RIMKLB: variants seen among roughly 807,000 people sequenced by gnomAD.
The protein encoded by RIMKLB is beta-citrylglutamate synthase B.
Under a neutral mutation model 32.0 loss-of-function variants are expected in RIMKLB, and 7 were observed. The observed-to-expected ratio is 0.22, with a 90% confidence interval of 0.12 to 0.41. The LOEUF (loss-of-function observed/expected upper bound fraction) is 0.41. Among genes scored for constraint, RIMKLB ranks in the 10% least tolerant of loss-of-function variants. The pLI, the probability that RIMKLB is intolerant of heterozygous loss-of-function variation, is 1.00. For synonymous variants in RIMKLB, 172 were observed against 185.1 expected, an observed-to-expected ratio of 0.93 and a Z score of 0.57; for missense variants, 289 against 498.7, an observed-to-expected ratio of 0.58 and a Z score of 4.00.
chr12:8,760,404 A>G (rs1166687258), intron 5 of RIMKLB, among the ~76,000 whole-genome samples: 1 of 152,228 alleles, frequency 6.6e-6, no homozygotes, highest in Non-Finnish European at 1.5e-5. Flanking sequence ...CAATAAACAT[A>G]CGTGTACATG....
intron 2 of RIMKLB, among the ~76,000 whole-genome samples, chr12:8,748,519 C>CGT (rs58187682): frequency 0.11 from 14,479 of 131,128 alleles, 780 homozygotes; most frequent in Middle Eastern, 0.21. Flanking sequence ...TGGGATTATT[C>CGT]GTGTGTGTGT....
At chr12:8,740,181 T>C (rs971210146) in intron 2 of RIMKLB, among the ~76,000 whole-genome samples, 1 of 152,200 alleles carries the variant, frequency 6.6e-6, no homozygotes, top group Admixed American at 6.5e-5. Context: ...GCTGGGATTA[T>C]AAGTGTAAGC....
At chr12:8,679,345 C>T (rs781231574), upstream of RIMKLB, among the ~76,000 whole-genome samples, 17 of 152,230 alleles carry the variant, frequency 1.1e-4, no homozygotes, top group Admixed American at 5.9e-4. Flanking sequence ...ACCACCACCA[C>T]GTGCCTGACT....
At chr12:8,737,215 ATT>A (rs1332620337) in intron 2 of RIMKLB, among the ~76,000 whole-genome samples, 1 of 144,666 alleles carries the variant, frequency 6.9e-6, no homozygotes, top group Admixed American at 6.9e-5. Flanking sequence ...CACACATTGT[ATT>A]TGTCATGTGT....
At chr12:8,758,331 G>A (rs965881076) in intron 5 of RIMKLB, among the ~76,000 whole-genome samples, 1 of 151,304 alleles carries the variant, frequency 6.6e-6, no homozygotes, top group Admixed American at 6.6e-5. Context: ...ATGTTACCCA[G>A]GCTAGTCTTG....
downstream of RIMKLB, among the ~76,000 whole-genome samples, chr12:8,778,026 A>T (rs1950833327): frequency 6.6e-6 from 1 of 152,154 alleles, no homozygotes; most frequent in Admixed American, 6.5e-5. Flanking sequence ...TTGTTTAGCC[A>T]TTTAGATGAC....
chr12:8,737,776 G>A (rs774761640), intron 2 of RIMKLB, among the ~76,000 whole-genome samples: 7 of 152,278 alleles, frequency 4.6e-5, no homozygotes, highest in South Asian at 2.1e-4. Context: ...GTGCAATGGC[G>A]TGATCTTGGC....
intron 1 of RIMKLB, among the ~76,000 whole-genome samples, chr12:8,690,303 A>G (rs1942695136): frequency 6.6e-6 from 1 of 152,216 alleles, no homozygotes; most frequent in African/African-American, 2.4e-5. Flanking sequence ...GAATCTTTAG[A>G]GGTGATGCTC....
the RIMKLB span, among the ~76,000 whole-genome samples, chr12:8,670,803 C>A: frequency 6.6e-6 from 1 of 152,242 alleles, no homozygotes; most frequent in African/African-American, 2.4e-5. Context: ...GCATGAGGGC[C>A]CCACCCCTGC....
rs779016793 is a variant in RIMKLB at position 8,777,113 on chromosome 12, T to C, written c.*3329T>C. The C allele has an allele frequency of 1.0e-6, 1 of 985,718 alleles. No individual in the cohort carries two copies. Among genetic ancestry groups the C allele is most frequent in the Admixed American group, 6.2e-5 (1 of 16,256 alleles). 61.1% of individuals were successfully genotyped at this position (985,718 alleles called of 1,614,324 possible). On this transcript the variant is annotated 3_prime_UTR_variant, in exon 6 of 6. Coordinates refer to ENST00000535829, the MANE Select transcript of RIMKLB (RefSeq NM_001297776.2). Reference sequence around the variant, plus strand: ...CTGCTACTGTTTTTATTTGTTTGTTTGTTCAATTTTATTTAAGATTTGTTT... The same window carrying C: ...CTGCTACTGTTTTTATTTGTTTGTTCGTTCAATTTTATTTAAGATTTGTTT...
chr12:8,756,758 C>G (rs189349637), intron 5 of RIMKLB, among the ~76,000 whole-genome samples: 267 of 134,668 alleles, frequency 2.0e-3, no homozygotes, highest in African/African-American at 7.4e-3. Context: ...GTGGTGTGAT[C>G]TCAGCTCACT....
chr12:8,701,647 C>CTTTT (rs752751224), intron 1 of RIMKLB, among the ~76,000 whole-genome samples: 1 of 124,724 alleles, frequency 8.0e-6, no homozygotes, highest in African/African-American at 2.9e-5. Context: ...GGCCTGATCT[C>CTTTT]TTTTTTTTTT....
At chr12:8,766,662 T>C (rs1195901786) in intron 5 of RIMKLB, among the ~76,000 whole-genome samples, 1 of 152,192 alleles carries the variant, frequency 6.6e-6, no homozygotes, top group African/African-American at 2.4e-5. Flanking sequence ...ACCCACTGTG[T>C]TTTTTTCCTC....
chr12:8,759,770 A>G (rs1949363703), intron 5 of RIMKLB, among the ~76,000 whole-genome samples: 1 of 152,164 alleles, frequency 6.6e-6, no homozygotes. Context: ...TATAGTGTTA[A>G]GCAATAAGGA....
At chr12:8,681,505 CGTTAATGCAT>C (rs1205360005), upstream of RIMKLB, 5 of 152,128 alleles carry the variant, frequency 3.3e-5, no homozygotes, top group Non-Finnish European at 5.9e-5. Flanking sequence ...ACTTGTGCTA[CGTTAATGCAT>C]GACGTAAGGT....
At position 8,762,820 on chromosome 12, in the gene RIMKLB, T is replaced by G. The variant is rs191719839; in HGVS notation, c.697+8727T>G. Among the ~76,000 whole-genome samples the G allele has an allele frequency of 2.5e-3, 375 of 152,318 alleles. 1 individual carries two copies. The highest frequency in any genetic ancestry group is 3.9e-3 in the Non-Finnish European group (267 of 68,034). On this transcript the variant is annotated intron_variant, in intron 5 of 5. Transcript: ENST00000535829. Reference sequence around the variant, plus strand: ...ACCCTGCTTTTCGAAGTCCTTTTTCTACAAAGGAACTTCCATCAGTATACA... The same window carrying G: ...ACCCTGCTTTTCGAAGTCCTTTTTCGACAAAGGAACTTCCATCAGTATACA...
Position 8,776,043 on chromosome 12 carries a change from A to G in RIMKLB, c.*2259A>G, listed in dbSNP as rs1366771339. On this transcript the variant is annotated 3_prime_UTR_variant, in exon 6 of 6. Coordinates refer to ENST00000535829, the MANE Select transcript of RIMKLB (RefSeq NM_001297776.2). ...ATTAAATTATCATTCATATGTTCAT[A>G]TAGAGACCATCTGGTTGCCATGTGT... The G allele has an allele frequency of 1.0e-6, 1 of 983,736 alleles. No homozygotes were observed. Among genetic ancestry groups the G allele is most frequent in the East Asian group, 1.1e-4 (1 of 8,832 alleles). The allele number at this position is 983,736 out of a possible 1,614,324, so 60.9% of individuals were successfully genotyped here. A position where few individuals can be genotyped will look rare whatever the true frequency, so the allele number is the denominator to read the frequency against.
chr12:8,737,631 C>T (rs1008693664), intron 2 of RIMKLB, among the ~76,000 whole-genome samples: 1 of 152,104 alleles, frequency 6.6e-6, no homozygotes, highest in African/African-American at 2.4e-5. Flanking sequence ...GATGTTGTTA[C>T]AAAATGGATT....
intron 5 of RIMKLB, among the ~76,000 whole-genome samples, chr12:8,766,563 T>G (rs1949985735): frequency 6.6e-6 from 1 of 152,218 alleles, no homozygotes; most frequent in Non-Finnish European, 1.5e-5. Context: ...TTTGGCTGAG[T>G]GCAAACAGCT....
Sources: gnomAD v4.1 joint callset for allele counts (sites outside exome capture counted in the v4.1 genomes callset) on GRCh38, gnomAD v4.1.1 for gene constraint, MANE v1.5 for transcripts, NCBI Gene and HGNC (gene_info 2026-07-23, HGNC 2026-07-21) for gene names.